SDHA: variants seen among roughly 807,000 people sequenced by gnomAD.
SDHA encodes succinate dehydrogenase complex flavoprotein subunit A, also known as succinate dehydrogenase [ubiquinone] flavoprotein subunit, mitochondrial.
A neutral mutation model predicts 78.4 loss-of-function variants in SDHA; 48 were observed. That is an observed-to-expected ratio of 0.61 (90% CI 0.49 to 0.78). The LOEUF (loss-of-function observed/expected upper bound fraction) is 0.78. SDHA is among the 30% of genes least tolerant of loss of function. The probability of loss-of-function intolerance (pLI) is 0.00; values close to 1 mark genes in which losing one functional copy is unlikely to be tolerated. For missense variants in SDHA, 680 were observed against 892.7 expected (o/e 0.76, Z 3.04); for synonymous variants, 326 against 353.9 (o/e 0.92, Z 0.88).
At chr5:246,102 C>A (rs1303418494) in intron 11 of SDHA, among the ~76,000 whole-genome samples, 1 of 151,928 alleles carries the variant, frequency 6.6e-6, no homozygotes, top group Non-Finnish European at 1.5e-5. Flanking sequence ...AGAGAAGACT[C>A]GAGCTGCAGC....
At chr5:219,705 T>C (rs1200593051) in intron 1 of SDHA, among the ~76,000 whole-genome samples, 1 of 152,160 alleles carries the variant, frequency 6.6e-6, no homozygotes, top group Non-Finnish European at 1.5e-5. Flanking sequence ...GGAAAGCCCA[T>C]GGTCAGTGGG....
In SDHA at chr5:230,800, C is replaced by T; in HGVS notation, c.771-76C>T. ...AAGACGGTGCTGGGGGCTGCCGTGT[C>T]CATTCTGTGATCTCACCAGATAGGA... is the stretch of plus-strand genomic sequence containing the variant. On this transcript the variant is annotated intron_variant, in intron 6 of 14. Transcript: ENST00000264932. 3.1e-6 allele frequency: 5 copies of T among 1,588,008 alleles called. No individual in the cohort carries two copies. The South Asian group carries it at 5.5e-5, about 17-fold the overall frequency.
At chr5:254,090 G>A in intron 13 of SDHA, among the ~76,000 whole-genome samples, 1 of 146,956 alleles carries the variant, frequency 6.8e-6, no homozygotes, top group East Asian at 2.0e-4. Flanking sequence ...AAAGATTGAG[G>A]TAGTCTCCCA....
chr5:231,905 C>T (rs979863555), intron 7 of SDHA, among the ~76,000 whole-genome samples: 1 of 152,144 alleles, frequency 6.6e-6, no homozygotes, highest in Admixed American at 6.5e-5. Context: ...GGAAGATGAG[C>T]TCGTCTTGGG....
intron 1 of SDHA, among the ~76,000 whole-genome samples, chr5:218,703 G>A (rs1284009921): frequency 6.6e-6 from 1 of 151,912 alleles, no homozygotes; most frequent in African/African-American, 2.4e-5. Context: ...TCCGGGCCTG[G>A]GGTCCTGGGA....
At chr5:254,534 G>A (rs1737057869) in intron 14 of SDHA, 28 bp downstream of exon 14, 2 of 1,530,352 alleles carry the variant, frequency 1.3e-6, no homozygotes, top group Non-Finnish European at 1.8e-6. Flanking sequence ...TCTCACCACA[G>A]CCCAGCACCC....
At chr5:226,134 G>A (rs1479014273) in intron 5 of SDHA, 87 bp downstream of exon 5, 32 of 1,445,180 alleles carry the variant, frequency 2.2e-5, no homozygotes, top group Non-Finnish European at 3.1e-5. Context: ...TGCCCAGTGA[G>A]TCAGCCAGAG....
At chr5:233,114 A>G (rs766434061) in intron 7 of SDHA, among the ~76,000 whole-genome samples, 19 of 152,252 alleles carry the variant, frequency 1.2e-4, no homozygotes, top group Non-Finnish European at 2.1e-4. Flanking sequence ...TCAAGCTAGT[A>G]TTCTTAACTA....
At position 225,442 on chromosome 5, in the gene SDHA, G is replaced by A. The variant is rs375645919; in HGVS notation, c.336G>A (p.Gly112=). 2.5e-6 allele frequency: 4 copies of A among 1,612,872 alleles called. No homozygotes were observed. The highest frequency in any genetic ancestry group is 3.4e-6 in the Non-Finnish European group (4 of 1,179,840). Residue 112 remains glycine (G), a synonymous_variant, in exon 4 of 15, where the codon GGG becomes GGA. Coordinates refer to ENST00000264932, the MANE Select transcript of SDHA (RefSeq NM_004168.4). ...AGGGAGGAATCAATGCTGCTCTGGG[G>A]AACATGGAGGAGGACAACTGGAGGT... ...AAQGGINAAL[G]NMEEDNWRWH...
intron 13 of SDHA, among the ~76,000 whole-genome samples, chr5:253,750 T>C (rs546843772): frequency 2.0e-5 from 3 of 152,278 alleles, no homozygotes; most frequent in East Asian, 3.9e-4. Flanking sequence ...ATAAATTTAG[T>C]TGGTCACAGT....
In SDHA at chr5:256,705, T is replaced by C. The variant is rs1357618915; in HGVS notation, c.*285T>C. 4.7e-6 allele frequency: 2 copies of C among 422,284 alleles called. No homozygotes were observed. The highest frequency in any genetic ancestry group is 8.5e-6 in the Non-Finnish European group (2 of 234,168). 26.2% of individuals were successfully genotyped at this position (422,284 alleles called of 1,614,324 possible). ...AAACTTTCTTTTATTTCCAAATCCA[T>C]TTGAAATATTTTACTGTTGTGACTT... On this transcript the variant is annotated 3_prime_UTR_variant, in exon 15 of 15. Coordinates refer to ENST00000264932, the MANE Select transcript of SDHA (RefSeq NM_004168.4).
intron 1 of SDHA, 71 bp from the exon 2 acceptor site, chr5:223,411 A>T: frequency 8.8e-7 from 1 of 1,129,988 alleles, no homozygotes; most frequent in South Asian, 1.2e-5. Flanking sequence ...GCAAGGGGAA[A>T]TTACTATCCC....
chr5:268,184 CTTTCTT>C, the SDHA span, among the ~76,000 whole-genome samples: 5 of 141,974 alleles, frequency 3.5e-5, no homozygotes, highest in African/African-American at 1.5e-4. Flanking sequence ...GGTGTTTTTT[CTTTCTT>C]TTTTTTTTTT....
At chr5:241,214 G>C (rs1298519430) in intron 11 of SDHA, among the ~76,000 whole-genome samples, 1 of 152,162 alleles carries the variant, frequency 6.6e-6, no homozygotes, top group Non-Finnish European at 1.5e-5. Flanking sequence ...ATTGCTGGCT[G>C]TCATGGATGA....
the SDHA span, among the ~76,000 whole-genome samples, chr5:267,495 T>C: frequency 6.6e-6 from 1 of 152,236 alleles, no homozygotes; most frequent in Admixed American, 6.5e-5. Flanking sequence ...AGGATGGTTA[T>C]CTGTTCATTT....
At position 235,499 on chromosome 5, in the gene SDHA, G is replaced by A. The variant is rs553205996; in HGVS notation, c.1260+160G>A. ...TGCACTTTAAATTTCTATTACCGGA[G>A]GATGGAGGGGGCTTAATAATTTATT... On this transcript the variant is annotated intron_variant, in intron 9 of 14. Coordinates refer to ENST00000264932, the MANE Select transcript of SDHA (RefSeq NM_004168.4). The A allele has an allele frequency of 1.3e-4, 99 of 737,792 alleles. No individual in the cohort carries two copies. In the South Asian group the frequency reaches 1.4e-3, roughly 10 times the overall value. 45.7% of individuals were successfully genotyped at this position (737,792 alleles called of 1,614,324 possible).
At chr5:260,880 C>A (rs369024135), downstream of SDHA, among the ~76,000 whole-genome samples, 39 of 3,204 alleles carry the variant, frequency 0.012, no homozygotes, top group Admixed American at 0.04. Flanking sequence ...GCCTCCCGTC[C>A]GAGCATTACC....
intron 11 of SDHA, among the ~76,000 whole-genome samples, chr5:246,471 G>C (rs1412491602): frequency 1.3e-5 from 2 of 152,122 alleles, no homozygotes; most frequent in African/African-American, 4.8e-5. Flanking sequence ...AGGCCGTAAA[G>C]CTCAAATCAA....
downstream of SDHA, among the ~76,000 whole-genome samples, chr5:259,955 AGCATTACCGTGTGAGCTCCGCCTCCCGC>A (rs2126655116): frequency 2.0e-5 from 1 of 50,118 alleles, no homozygotes; most frequent in Non-Finnish European, 3.5e-5. Context: ...CTCCCGCCAG[AGCATTACCGTGTGAGCTCCGCCTCCCGC>A]CAGAGCATTA....
Sources: gnomAD v4.1 joint callset for allele counts (sites outside exome capture counted in the v4.1 genomes callset) on GRCh38, gnomAD v4.1.1 for gene constraint, MANE v1.5 for transcripts, NCBI Gene and HGNC (gene_info 2026-07-23, HGNC 2026-07-21) for gene names.